Variants in FILIP1 observed in about 807,000 individuals in gnomAD.
FILIP1 encodes filamin A interacting protein 1.
FILIP1 carries 61 observed loss-of-function variants against 102.1 expected under a neutral mutation model. That is an observed-to-expected ratio of 0.60 (90% CI 0.49 to 0.74). The LOEUF is 0.74. Ranked by LOEUF, FILIP1 falls within the 30% of genes least tolerant of loss-of-function variation. The pLI, the probability that FILIP1 is intolerant of heterozygous loss-of-function variation, is 0.00. For synonymous variants in FILIP1, 491 were observed against 526.9 expected, an observed-to-expected ratio of 0.93 and a Z score of 0.93; for missense variants, 1,314 against 1,441.2, an observed-to-expected ratio of 0.91 and a Z score of 1.43.
At chr6:75,377,642 TCC>T (rs1414455447) in intron 2 of FILIP1, among the ~76,000 whole-genome samples, 2 of 152,188 alleles carry the variant, frequency 1.3e-5, no homozygotes, top group Admixed American at 1.3e-4. Flanking sequence ...CTCTTTTGTG[TCC>T]CTAGCTCCTA....
chr6:75,402,010 CT>C, intron 2 of FILIP1, among the ~76,000 whole-genome samples: 1 of 152,168 alleles, frequency 6.6e-6, no homozygotes, highest in Non-Finnish European at 1.5e-5. Flanking sequence ...AAATCTCCAT[CT>C]TTCACATATT....
chr6:75,457,710 G>T (rs1216937888), intron 1 of FILIP1, among the ~76,000 whole-genome samples: 2 of 150,760 alleles, frequency 1.3e-5, no homozygotes, highest in Non-Finnish European at 2.9e-5. Context: ...ATCAGCAGTG[G>T]CTAAAAGGAA....
At chr6:75,397,518 A>AT (rs1170428877) in intron 2 of FILIP1, among the ~76,000 whole-genome samples, 11 of 150,248 alleles carry the variant, frequency 7.3e-5, no homozygotes, top group Admixed American at 6.0e-4. Context: ...ATTTTTTTAC[A>AT]TAACATATAC....
At chr6:75,459,288 T>A (rs1283511590) in intron 1 of FILIP1, among the ~76,000 whole-genome samples, 1 of 152,230 alleles carries the variant, frequency 6.6e-6, no homozygotes, top group Non-Finnish European at 1.5e-5. Flanking sequence ...TTGAGTTTTT[T>A]AAAACGCAGT....
intron 2 of FILIP1, among the ~76,000 whole-genome samples, chr6:75,408,329 T>C (rs964993352): frequency 1.6e-4 from 24 of 152,154 alleles, no homozygotes; most frequent in Non-Finnish European, 3.2e-4. Context: ...AAGGGTCACA[T>C]TACTGGTTCT....
chr6:75,359,392 G>C (rs1387241704), intron 3 of FILIP1, among the ~76,000 whole-genome samples: 3 of 152,160 alleles, frequency 2.0e-5, no homozygotes, highest in Non-Finnish European at 4.4e-5. Context: ...GATAAAAGGA[G>C]ATTTAGGCAG....
chr6:75,326,865 T>C (rs183087314), intron 4 of FILIP1, among the ~76,000 whole-genome samples: 1 of 152,338 alleles, frequency 6.6e-6, no homozygotes, highest in East Asian at 1.9e-4. Flanking sequence ...TATCTTAGAA[T>C]TGTCAAGATG....
intron 1 of FILIP1, among the ~76,000 whole-genome samples, chr6:75,434,226 A>T (rs1266568180): frequency 2.6e-5 from 4 of 152,202 alleles, no homozygotes; most frequent in African/African-American, 7.2e-5. Flanking sequence ...TTCTGTAAAG[A>T]CAGTCATTGG....
downstream of FILIP1, among the ~76,000 whole-genome samples, chr6:75,304,032 T>C (rs1164325411): frequency 6.6e-6 from 1 of 152,080 alleles, no homozygotes; most frequent in Admixed American, 6.6e-5. Context: ...GAAAAATTAC[T>C]GATAGGTGTT....
chr6:75,441,721 C>T (rs1305433239), intron 1 of FILIP1, among the ~76,000 whole-genome samples: 1 of 144,836 alleles, frequency 6.9e-6, no homozygotes, highest in African/African-American at 2.6e-5. Flanking sequence ...GACCCCCCCA[C>T]CTCCCTCCCG....
At chr6:75,483,344 G>C (rs1392263985) in intron 1 of FILIP1, among the ~76,000 whole-genome samples, 1 of 152,178 alleles carries the variant, frequency 6.6e-6, no homozygotes, top group Admixed American at 6.5e-5. Context: ...GGTATTGTGA[G>C]AGAAGATAGG....
At chr6:75,296,367 GTGTGTGTGTGTGTGT>G (rs1772673056) in intron 6 of FILIP1, among the ~76,000 whole-genome samples, 5 of 151,076 alleles carry the variant, frequency 3.3e-5, no homozygotes, top group African/African-American at 1.2e-4. Context: ...GTGTGTGTGT[GTGTGTGTGTGTGTGT>G]GGATTAGAGT....
At chr6:75,385,856 T>C (rs1364932134) in intron 2 of FILIP1, among the ~76,000 whole-genome samples, 1 of 151,254 alleles carries the variant, frequency 6.6e-6, no homozygotes, top group East Asian at 1.9e-4. Flanking sequence ...TTTTTTTTTT[T>C]CATGATAGGC....
chr6:75,397,023 G>C (rs1261055518), intron 2 of FILIP1, among the ~76,000 whole-genome samples: 2 of 120,520 alleles, frequency 1.7e-5, no homozygotes, highest in Non-Finnish European at 1.7e-5. Context: ...TGTGGGGTGG[G>C]GGGAGGGGGG....
chr6:75,482,243 G>A (rs1282901319), intron 1 of FILIP1, among the ~76,000 whole-genome samples: 1 of 152,140 alleles, frequency 6.6e-6, no homozygotes, highest in Non-Finnish European at 1.5e-5. Context: ...AAGAAATAAG[G>A]TGAAATAAAG....
intron 1 of FILIP1, among the ~76,000 whole-genome samples, chr6:75,469,966 C>T (rs1452428603): frequency 6.6e-6 from 1 of 151,972 alleles, no homozygotes; most frequent in Non-Finnish European, 1.5e-5. Context: ...CAAAATACAG[C>T]AAACATGATA....
At chr6:75,466,596 T>C (rs1779173122) in intron 1 of FILIP1, among the ~76,000 whole-genome samples, 1 of 152,180 alleles carries the variant, frequency 6.6e-6, no homozygotes, top group African/African-American at 2.4e-5. Flanking sequence ...TTAGACCCCT[T>C]GGCAATTAAA....
chr6:75,319,278 C>A, intron 4 of FILIP1: 1 of 670,594 alleles, frequency 1.5e-6, no homozygotes. Context: ...ACACCTGTCC[C>A]AGTTTCTTCC....
intron 1 of FILIP1, among the ~76,000 whole-genome samples, chr6:75,418,286 G>A (rs1777338415): frequency 2.0e-5 from 3 of 152,286 alleles, no homozygotes; most frequent in East Asian, 3.9e-4. Flanking sequence ...TTCCTCCACA[G>A]ACACTCTTGC....
Sources: gnomAD v4.1 joint callset for allele counts (sites outside exome capture counted in the v4.1 genomes callset) on GRCh38, gnomAD v4.1.1 for gene constraint, MANE v1.5 for transcripts, NCBI Gene and HGNC (gene_info 2026-07-23, HGNC 2026-07-21) for gene names.